The following MMP11 variants were observed in gnomAD, a reference collection of about 807,000 sequenced individuals.
MMP11 encodes stromelysin-3.
MMP11 carries 26 observed loss-of-function variants against 49.5 expected under a neutral mutation model. That is an observed-to-expected ratio of 0.52 (90% CI 0.38 to 0.73). The LOEUF (loss-of-function observed/expected upper bound fraction) is 0.73. MMP11 is among the 30% of genes least tolerant of loss of function. MMP11 has a pLI of 0.00. For missense variants in MMP11, 624 were observed against 671.2 expected (o/e 0.93, Z 0.78); for synonymous variants, 265 against 282.3 (o/e 0.94, Z 0.62).
chr22:23,780,196 A>G lies in MMP11; in HGVS notation c.339-163A>G, dbSNP rs557635071. The G allele has an allele frequency of 1.5e-3, 1,182 of 773,012 alleles. 12 individuals carry two copies. Among genetic ancestry groups the G allele is most frequent in the South Asian group, 0.012 (668 of 57,590 alleles). 47.9% of individuals were successfully genotyped at this position (773,012 alleles called of 1,614,324 possible). On this transcript the variant is annotated intron_variant, in intron 2 of 7. Transcript: ENST00000215743. The surrounding 1 kb of genome is among the most constrained non-coding windows in gnomAD (Gnocchi z 4.6). ...GAGCAAACCACATACACATGTGCCCATGTGGCCAGGGAGACCAGTGCGCTG... is the reference window on the plus strand; with the variant it reads ...GAGCAAACCACATACACATGTGCCCGTGTGGCCAGGGAGACCAGTGCGCTG...
chr22:23,781,213 C>G lies in MMP11; in HGVS notation c.879C>G (p.Ala293=). 2 of 1,611,728 alleles carry G rather than the reference C, an allele frequency of 1.2e-6. No homozygotes were observed. Among genetic ancestry groups the G allele is most frequent in the Non-Finnish European group, 1.7e-6 (2 of 1,180,020 alleles). The change falls in exon 6 of 8, where the codon GCC becomes GCG. Residue 293 remains alanine (A), a synonymous_variant. Transcript: ENST00000215743. ...CCCAGCCAGACGCCCCGCCAGATGC[C>G]TGTGAGGCCTCCTTTGACGCGGTCT... ...APLEPDAPPD[A]CEASFDAVST...
intron 1 of MMP11, among the ~76,000 whole-genome samples, chr22:23,776,462 A>G (rs1318857054): frequency 6.6e-6 from 1 of 152,190 alleles, no homozygotes; most frequent in Non-Finnish European, 1.5e-5. Context: ...CCTGGTGGAT[A>G]TTGGAAGCCC....
At chr22:23,776,909 G>A (rs1927429729) in intron 1 of MMP11, among the ~76,000 whole-genome samples, 1 of 150,856 alleles carries the variant, frequency 6.6e-6, no homozygotes, top group Admixed American at 6.6e-5. Flanking sequence ...CCAGGTTCAC[G>A]CCATTCTCCT....
At chr22:23,779,689 A>G in intron 2 of MMP11, 1 of 528,246 alleles carries the variant, frequency 1.9e-6, no homozygotes, top group South Asian at 2.6e-5. Flanking sequence ...ACGGGTGTTC[A>G]GTCACTCAGG....
Position 23,782,440 on chromosome 22 carries a change from A to AGG in MMP11, c.1293_1294dup (p.Val432GlyfsTer31). ...TGCCCCGCAGGGCCACTGACTGGAG[A>AGG]GGGGTGCCCTCTGAGATCGACGCTG... On this transcript the variant is annotated frameshift_variant, in exon 7 of 8. Transcript: ENST00000215743. LOFTEE classifies it high-confidence loss of function. 1 of 1,613,422 alleles carries AGG rather than the reference A, an allele frequency of 6.2e-7. No homozygotes were observed. The highest frequency in any genetic ancestry group is 2.2e-5 in the East Asian group (1 of 44,856).
intron 7 of MMP11, 46 bp from the exon 8 acceptor site, chr22:23,783,365 G>C: frequency 6.2e-7 from 1 of 1,606,574 alleles, no homozygotes; most frequent in Non-Finnish European, 8.5e-7. Context: ...GGCAGGAGTA[G>C]GGCCCAGTGT....
At chr22:23,776,451 G>T (rs7289910) in intron 1 of MMP11, among the ~76,000 whole-genome samples, 8,762 of 152,294 alleles carry the variant, frequency 0.058, 669 homozygotes, top group African/African-American at 0.17. Flanking sequence ...ATCTCCACCT[G>T]CCTGGTGGAT....
At chr22:23,782,084 G>A (rs1343382750) in intron 6 of MMP11, 142 bp from the exon 7 acceptor site, 5 of 1,258,486 alleles carry the variant, frequency 4.0e-6, no homozygotes, top group Non-Finnish European at 5.6e-6. Flanking sequence ...GTGGGGTGCT[G>A]AGCAGGCATT....
Position 23,783,631 on chromosome 22 carries a change from G to A in MMP11, c.*87G>A, listed in dbSNP as rs781485290. ...ACCCATGGCCATCTTTGTGGCTGTG[G>A]GCACCAGGCATGGGACTGAGCCCAT... On this transcript the variant is annotated 3_prime_UTR_variant, in exon 8 of 8. Transcript: ENST00000215743. 6.4e-7 allele frequency: 1 copy of A among 1,562,426 alleles called. No homozygotes were observed. Among genetic ancestry groups the A allele is most frequent in the African/African-American group, 1.3e-5 (1 of 74,102 alleles).
At position 23,780,696 on chromosome 22, in the gene MMP11, G is replaced by A; in HGVS notation, c.597G>A (p.Trp199Ter). The change falls in exon 4 of 8, where the codon TGG (tryptophan) becomes TGA (stop). Residue 199 changes from tryptophan (W) to a stop codon, truncating the protein, a stop_gained. Transcript: ENST00000215743. LOFTEE classifies it high-confidence loss of function. The surrounding 1 kb of genome is among the most constrained non-coding windows in gnomAD (Gnocchi z 4.6). ...TCCACTTCGACTATGATGAGACCTG[G>A]ACTATCGGGGATGACCAGGGTATGG... ...GDVHFDYDET[W>*]TIGDDQGTDL... The A allele has an allele frequency of 6.4e-7, 1 of 1,559,854 alleles. No individual in the cohort carries two copies. The highest frequency in any genetic ancestry group is 8.6e-7 in the Non-Finnish European group (1 of 1,156,924).
rs775074646 is a variant in MMP11, at chr22:23,772,915, C to A, written c.45C>A (p.Leu15=). 38 of 1,197,558 alleles carry A rather than the reference C, an allele frequency of 3.2e-5. No individual in the cohort carries two copies. In the African/African-American group the frequency reaches 5.1e-4, roughly 16 times the overall value. The allele number at this position is 1,197,558 out of a possible 1,614,324, so 74.2% of individuals were successfully genotyped here. ...AWLRSAAARA[L]LPPMLLLLLQ... ...TCCGCAGCGCGGCCGCGCGCGCCCT[C>A]CTGCCCCCGATGCTGCTGCTGCTGC... Residue 15 remains leucine (L), a synonymous_variant, in exon 1 of 8, where the codon CTC becomes CTA. Transcript: ENST00000215743.
intron 1 of MMP11, among the ~76,000 whole-genome samples, chr22:23,776,370 G>A (rs1411203726): frequency 6.6e-6 from 1 of 152,218 alleles, no homozygotes; most frequent in East Asian, 1.9e-4. Flanking sequence ...CAAGGGGGCA[G>A]TGTGGCGAGG....
rs1927564010 is a variant in MMP11, at chr22:23,780,177, A to G, written c.339-182A>G. 5 of 688,122 alleles carry G rather than the reference A, an allele frequency of 7.3e-6. No individual in the cohort carries two copies. The highest frequency in any genetic ancestry group is 1.2e-5 in the Non-Finnish European group (5 of 414,040). The allele number at this position is 688,122 out of a possible 1,614,324, so 42.6% of individuals were successfully genotyped here. Reference sequence around the variant, plus strand: ...CTTGTATTTGCCTAAGTATGAGCAAACCACATACACATGTGCCCATGTGGC... The same window carrying G: ...CTTGTATTTGCCTAAGTATGAGCAAGCCACATACACATGTGCCCATGTGGC... On this transcript the variant is annotated intron_variant, in intron 2 of 7. Coordinates refer to ENST00000215743, the MANE Select transcript of MMP11 (RefSeq NM_005940.5). This position sits in a 1 kb window ranked among gnomAD's most constrained non-coding sequence, Gnocchi z 4.6.
In MMP11 at chr22:23,783,436, C is replaced by CG; in HGVS notation, c.1359_1360insG (p.Leu454AlafsTer6). 3 of 1,614,218 alleles carry CG rather than the reference C, an allele frequency of 1.9e-6. No homozygotes were observed. The highest frequency in any genetic ancestry group is 2.5e-6 in the Non-Finnish European group (3 of 1,180,032). On this transcript the variant is annotated frameshift_variant, in exon 8 of 8. Transcript: ENST00000215743. LOFTEE classifies it high-confidence loss of function. ...GCTATGCCTACTTCCTGCGCGGCCG[C>CG]CTCTACTGGAAGTTTGACCCTGTGA...
chr22:23,781,375 C>T lies in MMP11; in HGVS notation c.1041C>T (p.Phe347=), dbSNP rs564965702. Residue 347 remains phenylalanine (F), a synonymous_variant, in exon 6 of 8, where the codon TTC becomes TTT. Coordinates refer to ENST00000215743, the MANE Select transcript of MMP11 (RefSeq NM_005940.5). ...TGCCCAGCCCTGTGGACGCTGCCTT[C>T]GAGGATGCCCAGGGCCACATTTGGT... The part of the protein sequence containing the change: ...QGLPSPVDAA[F]EDAQGHIWFF... The T allele has an allele frequency of 3.7e-6, 6 of 1,611,580 alleles. No homozygotes were observed. The highest frequency in any genetic ancestry group is 4.5e-5 in the East Asian group (2 of 44,720).
chr22:23,779,990 G>A (rs1927557834), intron 2 of MMP11: 1 of 322,770 alleles, frequency 3.1e-6, no homozygotes, highest in Non-Finnish European at 5.9e-6. Context: ...GTGTCACACA[G>A]CATTGGAGCT....
intron 1 of MMP11, among the ~76,000 whole-genome samples, chr22:23,777,403 A>G (rs914712421): frequency 6.6e-6 from 1 of 151,936 alleles, no homozygotes; most frequent in Non-Finnish European, 1.5e-5. Context: ...CGTTTCTACT[A>G]AAAATACAAA....
rs1927590833 is a variant in MMP11 at position 23,780,771 on chromosome 22, G to C, written c.616+56G>C. On this transcript the variant is annotated intron_variant, in intron 4 of 7. Coordinates refer to ENST00000215743, the MANE Select transcript of MMP11 (RefSeq NM_005940.5). This position sits in a 1 kb window ranked among gnomAD's most constrained non-coding sequence, Gnocchi z 4.6. Reference sequence around the variant, plus strand: ...GGCAACCGAAGATCATAAAGAATGGGGACTCGCCAAGGTCACTGAGCTGGG... The same window carrying C: ...GGCAACCGAAGATCATAAAGAATGGCGACTCGCCAAGGTCACTGAGCTGGG... 3 of 1,557,922 alleles carry C rather than the reference G, an allele frequency of 1.9e-6. No individual in the cohort carries two copies. The highest frequency in any genetic ancestry group is 2.6e-6 in the Non-Finnish European group (3 of 1,153,314).
chr22:23,774,713 G>A (rs28363621), intron 1 of MMP11, among the ~76,000 whole-genome samples: 1,664 of 151,990 alleles, frequency 0.011, 34 homozygotes, highest in South Asian at 0.11. Context: ...TGCCCTCCTC[G>A]AAGTCTTGCC....
Sources: gnomAD v4.1 joint callset for allele counts (sites outside exome capture counted in the v4.1 genomes callset) on GRCh38, gnomAD v4.1.1 for gene constraint, Gnocchi (gnomAD v3.1) non-coding constraint, MANE v1.5 for transcripts, NCBI Gene and HGNC (gene_info 2026-07-23, HGNC 2026-07-21) for gene names.